ZZEF1: variants seen among roughly 807,000 people sequenced by gnomAD.
ZZEF1 encodes the protein zinc finger ZZ-type and EF-hand domain containing 1.
ZZEF1 carries 157 observed loss-of-function variants against 342.8 expected under a neutral mutation model. The ratio of observed to expected loss-of-function variants is 0.46; its 90% CI spans 0.40 to 0.52. ZZEF1 has a LOEUF of 0.52. Ranked by LOEUF, ZZEF1 falls within the 20% of genes least tolerant of loss-of-function variation. The pLI, the probability that ZZEF1 is intolerant of heterozygous loss-of-function variation, is 0.00. For missense variants in ZZEF1, 3,480 were observed against 3,725.6 expected (o/e 0.93, Z 1.72); for synonymous variants, 1,505 against 1,429.1 (o/e 1.05, Z -1.20).
At chr17:4,064,891 G>A (rs1461442534) in intron 28 of ZZEF1, 62 bp from the exon 29 acceptor site, 6 of 1,264,106 alleles carry the variant, frequency 4.7e-6, no homozygotes, top group East Asian at 4.8e-5. Flanking sequence ...GGGAGGGGGA[G>A]GGGAGAGGGA....
rs770900767 is a variant in ZZEF1, at chr17:4,057,998, T to C, written c.5161A>G (p.Ile1721Val). Residue 1721 changes from isoleucine (I) to valine (V), a missense_variant, in exon 32 of 55, where the codon ATC becomes GTC. Transcript: ENST00000381638. ...AGCGCAGGACCGTGCTCTTACCTGA[T>C]CACACTGTCATGGACACTTATATTC... ...QENISVHDSV[I>V]SQWSEEDELA... 1 of 1,614,078 alleles carries C rather than the reference T, an allele frequency of 6.2e-7. No homozygotes were observed. Among genetic ancestry groups the C allele is most frequent in the Non-Finnish European group, 8.5e-7 (1 of 1,179,946 alleles).
Position 4,006,910 on chromosome 17 carries a change from G to A in ZZEF1, c.8866C>T (p.Leu2956Phe). The A allele has an allele frequency of 6.4e-7, 1 of 1,568,502 alleles. No homozygotes were observed. Among genetic ancestry groups the A allele is most frequent in the Non-Finnish European group, 8.7e-7 (1 of 1,155,480 alleles). ...AINYPNKATR[L>F]WNVEC Reference sequence around the variant, plus strand: ...AAGGGCTAACACTCCACATTCCAGAGGCGGGTGGCCTTGTTTGGGTAGTTG... The same window carrying A: ...AAGGGCTAACACTCCACATTCCAGAAGCGGGTGGCCTTGTTTGGGTAGTTG... The change falls in exon 55 of 55, where the codon CTC becomes TTC. Residue 2956 changes from leucine to phenylalanine, a missense_variant. Physicochemically the swap from Leu to Phe is conservative, Grantham distance 22. This residue lies in a region of ZZEF1 where 1,269 missense variants were observed against 1,342.4 expected (regional missense o/e 0.95). Transcript: ENST00000381638.
At chr17:4,118,135 T>C (rs536694699) in intron 2 of ZZEF1, among the ~76,000 whole-genome samples, 6 of 152,292 alleles carry the variant, frequency 3.9e-5, no homozygotes, top group Non-Finnish European at 5.9e-5. Flanking sequence ...GTGGGAACCA[T>C]GGGCATTTGA....
intron 42 of ZZEF1, among the ~76,000 whole-genome samples, chr17:4,027,286 C>CTTTTTTTTTTTTTTTTTT (rs1179743466): frequency 2.9e-5 from 2 of 67,998 alleles, no homozygotes; most frequent in African/African-American, 1.3e-4. Context: ...CAATATCTCA[C>CTTTTTTTTTTTTTTTTTT]TTTTTTTTTT....
At chr17:4,093,530 G>A (rs1269004545) in intron 11 of ZZEF1, among the ~76,000 whole-genome samples, 4 of 152,154 alleles carry the variant, frequency 2.6e-5, no homozygotes, top group African/African-American at 7.2e-5. Context: ...CGAATTATTC[G>A]AATTATTCTA....
intron 1 of ZZEF1, among the ~76,000 whole-genome samples, chr17:4,127,064 G>A (rs185644361): frequency 9.9e-5 from 15 of 151,560 alleles, no homozygotes; most frequent in Non-Finnish European, 2.1e-4. Flanking sequence ...TTGGAGTGCA[G>A]TAGTGCGATC....
chr17:4,017,234 C>T lies in ZZEF1; in HGVS notation c.8001+137G>A, dbSNP rs2056129991. On this transcript the variant is annotated intron_variant, in intron 48 of 54. Coordinates refer to ENST00000381638, the MANE Select transcript of ZZEF1 (RefSeq NM_015113.4). This position sits in a 1 kb window ranked among gnomAD's most constrained non-coding sequence, Gnocchi z 5.1. ...CTTGGGAGAGGATACAGTGACCCTACCTTTGCTGCATTCACACCTGTCAGG... is the reference window on the plus strand; with the variant it reads ...CTTGGGAGAGGATACAGTGACCCTATCTTTGCTGCATTCACACCTGTCAGG... The T allele has an allele frequency of 6.4e-6, 8 of 1,252,594 alleles. No homozygotes were observed. The highest frequency in any genetic ancestry group is 8.7e-6 in the Non-Finnish European group (8 of 919,002). 77.6% of individuals were successfully genotyped at this position (1,252,594 alleles called of 1,614,324 possible).
chr17:4,061,350 C>T (rs192345016), intron 30 of ZZEF1, among the ~76,000 whole-genome samples: 1 of 152,204 alleles, frequency 6.6e-6, no homozygotes, highest in East Asian at 1.9e-4. Flanking sequence ...CCTTAGCTGA[C>T]ACTCCTTTCT....
intron 36 of ZZEF1, among the ~76,000 whole-genome samples, chr17:4,050,403 A>C (rs1433127760): frequency 1.3e-5 from 2 of 152,242 alleles, no homozygotes; most frequent in African/African-American, 2.4e-5. Flanking sequence ...TTTTACTCGT[A>C]AACAGCTCTC....
intron 39 of ZZEF1, among the ~76,000 whole-genome samples, chr17:4,037,237 A>G (rs1318695486): frequency 1.3e-5 from 2 of 152,252 alleles, no homozygotes; most frequent in Non-Finnish European, 2.9e-5. Context: ...TACTAATAAC[A>G]AAAGTGGAAA....
chr17:4,086,315 G>A (rs80269827), intron 15 of ZZEF1, among the ~76,000 whole-genome samples, 171 bp downstream of exon 15: 18 of 140,670 alleles, frequency 1.3e-4, no homozygotes, highest in South Asian at 4.3e-4. Context: ...TTCCCACAGC[G>A]GCAATCCCTT....
chr17:4,112,320 AT>A (rs1312709746), intron 5 of ZZEF1, among the ~76,000 whole-genome samples: 2 of 150,722 alleles, frequency 1.3e-5, no homozygotes. Context: ...TAATTTTTGT[AT>A]TTTTAGTAGA....
chr17:4,039,785 A>G (rs2056761390), intron 39 of ZZEF1, among the ~76,000 whole-genome samples: 1 of 151,416 alleles, frequency 6.6e-6, no homozygotes, highest in Non-Finnish European at 1.5e-5. Flanking sequence ...CTGGGACTAC[A>G]GGCGCCCGCC....
chr17:4,038,571 G>A (rs776167444), intron 39 of ZZEF1, among the ~76,000 whole-genome samples: 12 of 152,172 alleles, frequency 7.9e-5, no homozygotes, highest in African/African-American at 1.2e-4. Context: ...TTGGGAGGCC[G>A]AGGTGGGTGG....
chr17:4,021,141 T>G lies in ZZEF1; in HGVS notation c.7392A>C (p.Arg2464Ser), dbSNP rs2056258530. 2 of 1,611,244 alleles carry G rather than the reference T, an allele frequency of 1.2e-6. No homozygotes were observed. Among genetic ancestry groups the G allele is most frequent in the Non-Finnish European group, 1.7e-6 (2 of 1,178,756 alleles). ...DPLEGLDEPT[R>S]ICFLMAHDAL... is the part of the protein sequence containing the mutation. ...CTCAAGAACACACCAAGAAACATAT[T>G]CTGGTGGGCTCATCCAGGCCCTCAA... The change falls in exon 45 of 55, where the codon AGA becomes AGC. Residue 2464 changes from arginine to serine, a missense_variant. Arg to Ser is a moderately radical substitution (Grantham distance 110). This residue lies in a region of ZZEF1 where 1,269 missense variants were observed against 1,342.4 expected (regional missense o/e 0.95). Coordinates refer to ENST00000381638, the MANE Select transcript of ZZEF1 (RefSeq NM_015113.4).
Position 4,102,392 on chromosome 17 carries a change from G to C in ZZEF1, c.1597C>G (p.Gln533Glu). Reference sequence around the variant, plus strand: ...TCTTTTCCTTTGACATCACATGCCTGAAGAGTCAACTGGAGAGGTTTACCT... The same window carrying C: ...TCTTTTCCTTTGACATCACATGCCTCAAGAGTCAACTGGAGAGGTTTACCT... ...KYGKPLQLTL[Q>E]ACDVKGKEDK... is the part of the protein sequence containing the mutation. Residue 533 changes from glutamine (Q) to glutamate (E), a missense_variant, in exon 9 of 55, where the codon CAG becomes GAG. Gln to Glu is a conservative substitution (Grantham distance 29, BLOSUM62 2). Transcript: ENST00000381638. 1.2e-6 allele frequency: 2 copies of C among 1,613,756 alleles called. No individual in the cohort carries two copies.
chr17:4,127,833 T>C (rs1046341826), intron 1 of ZZEF1, among the ~76,000 whole-genome samples: 2 of 152,134 alleles, frequency 1.3e-5, no homozygotes, highest in Non-Finnish European at 2.9e-5. Context: ...TGGAAAAGTA[T>C]TCTCTGGGGA....
chr17:4,041,114 G>C (rs1174162728), intron 39 of ZZEF1, among the ~76,000 whole-genome samples: 2 of 152,200 alleles, frequency 1.3e-5, no homozygotes, highest in Non-Finnish European at 2.9e-5. Flanking sequence ...GTCCAAGCCT[G>C]AGGGTACTGA....
At chr17:4,129,813 C>T (rs575928658) in intron 1 of ZZEF1, among the ~76,000 whole-genome samples, 133 of 152,162 alleles carry the variant, frequency 8.7e-4, no homozygotes, top group African/African-American at 3.1e-3. Context: ...TACATATACA[C>T]CATGGAATAC....
Sources: gnomAD v4.1 joint callset for allele counts (sites outside exome capture counted in the v4.1 genomes callset) on GRCh38, gnomAD v4.1.1 for gene constraint, gnomAD v4.1.1 regional missense constraint, Gnocchi (gnomAD v3.1) non-coding constraint, MANE v1.5 for transcripts, NCBI Gene and HGNC (gene_info 2026-07-23, HGNC 2026-07-21) for gene names.